FAT1: variants seen among roughly 807,000 people sequenced by gnomAD.
FAT1 encodes protocadherin Fat 1.
Under a neutral mutation model 329.8 loss-of-function variants are expected in FAT1, and 171 were observed. That is an observed-to-expected ratio of 0.52 (90% CI 0.46 to 0.59). The LOEUF is 0.59. Ranked by LOEUF, FAT1 falls within the 20% of genes least tolerant of loss-of-function variation. FAT1 has a pLI of 0.00. For missense variants in FAT1, 5,672 were observed against 5,774.4 expected (o/e 0.98, Z 0.57); for synonymous variants, 2,233 against 2,228.6 (o/e 1.00, Z -0.06).
rs747553764 is a variant in FAT1 at position 186,620,197 on chromosome 4, C to T, written c.6389G>A (p.Gly2130Glu). 16 of 1,613,876 alleles carry T rather than the reference C, an allele frequency of 9.9e-6. No individual in the cohort carries two copies. The highest frequency in any genetic ancestry group is 1.4e-5 in the Non-Finnish European group (16 of 1,179,902). The change falls in exon 10 of 27, where the codon GGA (glycine) becomes GAA (glutamate). Residue 2130 changes from glycine (G) to glutamate (E), a missense_variant. Physicochemically the swap from Gly to Glu is moderately conservative, Grantham distance 98. Around this residue, in one of 2 missense-constraint regions of FAT1, gnomAD observed 3,966 missense variants for 3,915.2 expected, o/e 1.01. Coordinates refer to ENST00000441802, the MANE Select transcript of FAT1 (RefSeq NM_005245.4). ...TTTCAGTGAAATTTCACCCAAGGGT[C>T]CAATTTGAAAGTGTTCATGATGTTC... is the stretch of plus-strand genomic sequence containing the variant. ...LKEHHEHFQI[G>E]PLGEISLKKQ...
intron 2 of FAT1, among the ~76,000 whole-genome samples, chr4:186,695,593 C>T (rs1467259493): frequency 6.6e-6 from 1 of 152,064 alleles, no homozygotes; most frequent in South Asian, 2.1e-4. Context: ...TTAAATTTTA[C>T]GCATTCAACC....
chr4:186,610,596 A>AATATAAATTT (rs1347579294), intron 14 of FAT1, among the ~76,000 whole-genome samples: 6 of 143,510 alleles, frequency 4.2e-5, no homozygotes, highest in Admixed American at 1.4e-4. Context: ...AAATTATATA[A>AATATAAATTT]ATATAAATTT....
intron 1 of FAT1, among the ~76,000 whole-genome samples, chr4:186,711,368 G>A (rs1744942811): frequency 6.6e-6 from 1 of 152,040 alleles, no homozygotes; most frequent in South Asian, 2.1e-4. Context: ...TGGCTTCTAG[G>A]AGAACAATTA....
In FAT1 at chr4:186,708,889, C is replaced by G. The variant is rs2126699875; in HGVS notation, c.939G>C (p.Lys313Asn). 6.2e-7 allele frequency: 1 copy of G among 1,613,978 alleles called. No individual in the cohort carries two copies. Among genetic ancestry groups the G allele is most frequent in the Non-Finnish European group, 8.5e-7 (1 of 1,179,888 alleles). ...CACCGATGGCTTTGACTTTATACTC[C>G]TTACTCCCTGGAAAGGACCTCACTG... Reference protein sequence around the residue: ...FRTVRSFPGSKEYKVKAIGGI... With the variant: ...FRTVRSFPGSNEYKVKAIGGI... Residue 313 changes from lysine (K) to asparagine (N), a missense_variant, in exon 2 of 27, where the codon AAG becomes AAC. Lys to Asn is a moderately conservative substitution (Grantham distance 94). This residue lies in a region of FAT1 where 3,966 missense variants were observed against 3,915.2 expected (regional missense o/e 1.01). Transcript: ENST00000441802.
At chr4:186,623,854 A>T (rs1740165825) in intron 9 of FAT1, among the ~76,000 whole-genome samples, 2 of 152,202 alleles carry the variant, frequency 1.3e-5, no homozygotes, top group African/African-American at 4.8e-5. Context: ...CGGCCATGCA[A>T]GATTCAGAAA....
intron 9 of FAT1, among the ~76,000 whole-genome samples, chr4:186,624,491 T>C (rs1003583651): frequency 6.6e-6 from 1 of 152,196 alleles, no homozygotes; most frequent in African/African-American, 2.4e-5. Flanking sequence ...TATTTCCAGG[T>C]ATTAAAATGG....
chr4:186,719,279 A>T (rs946242944), intron 1 of FAT1, among the ~76,000 whole-genome samples: 1 of 152,148 alleles, frequency 6.6e-6, no homozygotes, highest in Admixed American at 6.5e-5. Context: ...CATCAAACCT[A>T]AGTTATACGA....
At chr4:186,657,067 AG>A (rs548280337) in intron 3 of FAT1, among the ~76,000 whole-genome samples, 1 of 152,244 alleles carries the variant, frequency 6.6e-6, no homozygotes, top group South Asian at 2.1e-4. Flanking sequence ...GAAACAGATG[AG>A]GGGACACCCA....
At chr4:186,610,594 TA>T (rs1327186005) in intron 14 of FAT1, among the ~76,000 whole-genome samples, 5 of 143,644 alleles carry the variant, frequency 3.5e-5, no homozygotes, top group African/African-American at 1.0e-4. Flanking sequence ...ATAAATTATA[TA>T]AATATAAATT....
intron 7 of FAT1, among the ~76,000 whole-genome samples, chr4:186,631,021 G>A (rs1190311749): frequency 3.3e-5 from 5 of 152,148 alleles, no homozygotes; most frequent in Admixed American, 3.3e-4. Context: ...AGCTGTTTCC[G>A]CAGGGCACTG....
rs1464063308 is a variant in FAT1, at chr4:186,709,628, G to A, written c.200C>T (p.Ala67Val). 7 of 1,613,810 alleles carry A rather than the reference G, an allele frequency of 4.3e-6. No homozygotes were observed. The highest frequency in any genetic ancestry group is 5.9e-6 in the Non-Finnish European group (7 of 1,179,856). Residue 67 changes from alanine (A) to valine (V), a missense_variant, in exon 2 of 27, where the codon GCG becomes GTG. Transcript: ENST00000441802. ...VKMGVYITHPAWEVRYKIVSG... is the reference protein window; with the variant it reads ...VKMGVYITHPVWEVRYKIVSG... ...AACAATTTTGTACCTTACTTCCCAC[G>A]CTGGATGTGTAATGTAAACACCCAT...
At chr4:186,606,639 C>T (rs1158989900) in intron 16 of FAT1, among the ~76,000 whole-genome samples, 1 of 152,192 alleles carries the variant, frequency 6.6e-6, no homozygotes, top group African/African-American at 2.4e-5. Flanking sequence ...CTGCCTCCCG[C>T]ACCTTAGCGC....
At chr4:186,598,227 A>G (rs1309533146) in intron 22 of FAT1, 102 bp from the exon 23 acceptor site, 2 of 1,169,200 alleles carry the variant, frequency 1.7e-6, no homozygotes, top group Non-Finnish European at 2.3e-6. Flanking sequence ...GGTCTGTAAA[A>G]GCTCGTAAAA....
In FAT1 at chr4:186,588,775, C is replaced by T. The variant is rs1738081588; in HGVS notation, c.13584G>A (p.Glu4528=). 6.2e-7 allele frequency: 1 copy of T among 1,614,006 alleles called. No individual in the cohort carries two copies. Among genetic ancestry groups the T allele is most frequent in the Non-Finnish European group, 8.5e-7 (1 of 1,179,896 alleles). Residue 4528 remains glutamate, a synonymous_variant, in exon 27 of 27, where the codon GAG becomes GAA. Coordinates refer to ENST00000441802, the MANE Select transcript of FAT1 (RefSeq NM_005245.4). ...TGGGCATGCTCTCGACAGCGGGCGCCTCGAAGTGTCTTTGATACCCTGGCG... is the reference window on the plus strand; with the variant it reads ...TGGGCATGCTCTCGACAGCGGGCGCTTCGAAGTGTCTTTGATACCCTGGCG... The part of the protein sequence containing the change: ...PYPPGYQRHF[E]APAVESMPMS...
chr4:186,711,682 C>A (rs527726953), intron 1 of FAT1, among the ~76,000 whole-genome samples: 1 of 152,198 alleles, frequency 6.6e-6, no homozygotes, highest in South Asian at 2.1e-4. Context: ...CTTTGGGAGG[C>A]CAATGCAGCC....
At position 186,709,195 on chromosome 4, in the gene FAT1, A is replaced by G. The variant is rs1744817664; in HGVS notation, c.633T>C (p.Asp211=). 6.2e-7 allele frequency: 1 copy of G among 1,614,008 alleles called. No homozygotes were observed. Among genetic ancestry groups the G allele is most frequent in the African/African-American group, 1.3e-5 (1 of 75,046 alleles). The change falls in exon 2 of 27, where the codon GAT becomes GAC. Residue 211 remains aspartate, a synonymous_variant. Transcript: ENST00000441802. ...TCTCATAGAGCTTGGTCTCTAGGTA[A>G]TCAAGTCTACCAGTTAACACTATCA... is the stretch of plus-strand genomic sequence containing the variant. The part of the protein sequence containing the change: ...SGVIVLTGRL[D]YLETKLYEME...
At chr4:186,606,004 C>T (rs2126446430) in intron 17 of FAT1, 66 bp downstream of exon 17, 3 of 1,452,238 alleles carry the variant, frequency 2.1e-6, no homozygotes, top group Middle Eastern at 2.5e-4. Flanking sequence ...GAAAGAAAAG[C>T]AACAGAGGCC....
chr4:186,638,769 A>G lies in FAT1; in HGVS notation c.3642+953T>C, dbSNP rs768785787. ...ATATTAAAAGAAATTTTCAAAAGTT[A>G]CAGTTTAGAATTTTGTCACTTATAC... On this transcript the variant is annotated intron_variant, in intron 4 of 26. Coordinates refer to ENST00000441802, the MANE Select transcript of FAT1 (RefSeq NM_005245.4). 1.2e-3 allele frequency among the ~76,000 whole-genome samples: 184 copies of G among 149,806 alleles called. 2 individuals are homozygous for G. The highest frequency in any genetic ancestry group is 2.2e-3 in the Non-Finnish European group (150 of 68,016).
At chr4:186,635,973 G>A (rs1239733485) in intron 6 of FAT1, 52 bp downstream of exon 6, 13 of 1,499,742 alleles carry the variant, frequency 8.7e-6, no homozygotes, top group Non-Finnish European at 1.2e-5. Flanking sequence ...CCGTATGCAG[G>A]TTCTCCTCAG....
Sources: gnomAD v4.1 joint callset for allele counts (sites outside exome capture counted in the v4.1 genomes callset) on GRCh38, gnomAD v4.1.1 for gene constraint, gnomAD v4.1.1 regional missense constraint, MANE v1.5 for transcripts, NCBI Gene and HGNC (gene_info 2026-07-23, HGNC 2026-07-21) for gene names.